Variants in SCOC observed in about 807,000 individuals in gnomAD.
SCOC encodes short coiled coil protein.
In SCOC, 7 loss-of-function variants were observed where a neutral mutation model predicts 9.9. That is an observed-to-expected ratio of 0.71 (90% CI 0.40 to 1.33). The LOEUF is 1.33. SCOC is among the 40% of genes most tolerant of loss of function. The pLI, the probability that SCOC is intolerant of heterozygous loss-of-function variation, is 0.01. For synonymous variants in SCOC, 19 were observed against 28.2 expected (o/e 0.67, Z 1.03); for missense variants, 66 against 89.7 (o/e 0.74, Z 1.07).
At chr4:140,284,291 G>T (rs1731169823) in intron 1 of SCOC, 1 of 152,012 alleles carries the variant, frequency 6.6e-6, no homozygotes, top group South Asian at 2.1e-4. Context: ...TTGTCAAGAG[G>T]CTTTGCTTTA....
chr4:140,264,704 A>G (rs1244817078), intron 1 of SCOC, among the ~76,000 whole-genome samples: 1 of 152,228 alleles, frequency 6.6e-6, no homozygotes, highest in Non-Finnish European at 1.5e-5. Flanking sequence ...TGGGATGTAC[A>G]CATCCCGATA....
intron 1 of SCOC, among the ~76,000 whole-genome samples, chr4:140,261,242 T>C (rs1053194819): frequency 1.3e-5 from 2 of 152,228 alleles, no homozygotes; most frequent in African/African-American, 4.8e-5. Flanking sequence ...TCCGTGGCAC[T>C]AGGCAGAAGA....
chr4:140,362,357 G>C (rs1023739410), intron 2 of SCOC, among the ~76,000 whole-genome samples: 9 of 108,768 alleles, frequency 8.3e-5, no homozygotes, highest in Non-Finnish European at 1.4e-4. Flanking sequence ...GTGCAGTAGT[G>C]TGATCTTGGC....
intron 1 of SCOC, among the ~76,000 whole-genome samples, chr4:140,301,119 G>C (rs1338934159): frequency 6.6e-6 from 1 of 152,208 alleles, no homozygotes; most frequent in Admixed American, 6.5e-5. Context: ...GTGGTGGATG[G>C]AGAGTGATAG....
At chr4:140,374,232 C>G in intron 1 of SCOC, 1 of 452,202 alleles carries the variant, frequency 2.2e-6, no homozygotes, top group Non-Finnish European at 4.4e-6. Flanking sequence ...GGTTTGTTTC[C>G]TGATCGTCTT....
At chr4:140,369,243 C>G (rs1727935993), upstream of SCOC, 2 of 446,582 alleles carry the variant, frequency 4.5e-6, no homozygotes, top group African/African-American at 2.0e-5. Context: ...GTATACTAGG[C>G]TGTAGTATAC....
intron 1 of SCOC, among the ~76,000 whole-genome samples, chr4:140,286,430 C>G (rs1302045264): frequency 6.6e-6 from 1 of 152,104 alleles, no homozygotes; most frequent in African/African-American, 2.4e-5. Flanking sequence ...TTGCGAACCC[C>G]ACTGTTGCCC....
At chr4:140,356,454 C>T (rs1444198304) in intron 2 of SCOC, among the ~76,000 whole-genome samples, 10 of 152,196 alleles carry the variant, frequency 6.6e-5, no homozygotes, top group Non-Finnish European at 1.3e-4. Flanking sequence ...ATATCCTTTA[C>T]AAAAAGTATC....
intron 1 of SCOC, among the ~76,000 whole-genome samples, chr4:140,324,806 C>T (rs928042718): frequency 1.2e-4 from 18 of 151,814 alleles, no homozygotes; most frequent in African/African-American, 3.9e-4. Context: ...ATCCAGTAAG[C>T]TTTTTATAGA....
At chr4:140,267,721 C>G (rs1414832172) in intron 1 of SCOC, among the ~76,000 whole-genome samples, 2 of 152,110 alleles carry the variant, frequency 1.3e-5, no homozygotes, top group Non-Finnish European at 2.9e-5. Context: ...TCCGGGAACC[C>G]CCTCCTCCCT....
chr4:140,303,061 G>A (rs1395209963), intron 1 of SCOC, among the ~76,000 whole-genome samples: 1 of 152,064 alleles, frequency 6.6e-6, no homozygotes, highest in East Asian at 1.9e-4. Flanking sequence ...ACACATGCTG[G>A]GACTACATGG....
At chr4:140,305,828 T>C (rs1268531057) in intron 1 of SCOC, among the ~76,000 whole-genome samples, 1 of 152,096 alleles carries the variant, frequency 6.6e-6, no homozygotes, top group Non-Finnish European at 1.5e-5. Flanking sequence ...GTCAGCATTG[T>C]GGAAGGGAGC....
chr4:140,281,247 T>C (rs1046487284), intron 1 of SCOC, among the ~76,000 whole-genome samples: 1 of 147,492 alleles, frequency 6.8e-6, no homozygotes, highest in African/African-American at 2.6e-5. Flanking sequence ...TAGGTCACTT[T>C]TTCTTCCCTT....
At chr4:140,289,852 CT>C (rs1482118122) in intron 1 of SCOC, among the ~76,000 whole-genome samples, 1 of 152,252 alleles carries the variant, frequency 6.6e-6, no homozygotes, top group South Asian at 2.1e-4. Flanking sequence ...CTAATAGCAG[CT>C]GGCTGCATCA....
chr4:140,356,630 A>G (rs949333241), intron 2 of SCOC, among the ~76,000 whole-genome samples: 1 of 152,182 alleles, frequency 6.6e-6, no homozygotes. Flanking sequence ...CTCATGATCA[A>G]TAAGTTTGGC....
chr4:140,300,568 T>C (rs1350066152), intron 1 of SCOC, among the ~76,000 whole-genome samples: 1 of 152,214 alleles, frequency 6.6e-6, no homozygotes, highest in African/African-American at 2.4e-5. Flanking sequence ...GTGTCTCTGC[T>C]GGGCATTTGG....
intron 3 of SCOC, 143 bp downstream of exon 3, chr4:140,379,795 C>T: frequency 3.3e-6 from 2 of 606,682 alleles, no homozygotes; most frequent in South Asian, 4.3e-5. Context: ...TATCTATCTT[C>T]CTGCTTTGGT....
chr4:140,313,637 A>G (rs1732221940), intron 1 of SCOC, among the ~76,000 whole-genome samples: 1 of 152,188 alleles, frequency 6.6e-6, no homozygotes, highest in Non-Finnish European at 1.5e-5. Context: ...CAAATCTTCC[A>G]TCTGCACCTA....
chr4:140,324,712 T>C (rs1732596313), intron 1 of SCOC, among the ~76,000 whole-genome samples: 1 of 152,110 alleles, frequency 6.6e-6, no homozygotes, highest in African/African-American at 2.4e-5. Context: ...AGATACACTG[T>C]GTTCATGATT....
Sources: allele counts gnomAD v4.1 joint callset (sites outside exome capture counted in the v4.1 genomes callset), GRCh38; gene constraint gnomAD v4.1.1; transcripts MANE v1.5; gene names NCBI Gene and HGNC (gene_info 2026-07-23, HGNC 2026-07-21).